DNAJC13: variants seen among roughly 807,000 people sequenced by gnomAD.
DNAJC13 encodes the protein dnaJ homolog subfamily C member 13.
DNAJC13 carries 75 observed loss-of-function variants against 290.5 expected under a neutral mutation model. That is an observed-to-expected ratio of 0.26 (90% CI 0.21 to 0.31). The LOEUF (loss-of-function observed/expected upper bound fraction) is 0.31. Ranked by LOEUF, DNAJC13 falls within the 10% of genes least tolerant of loss-of-function variation. DNAJC13 has a pLI of 1.00. For synonymous variants in DNAJC13, 862 were observed against 892.0 expected, an observed-to-expected ratio of 0.97 and a Z score of 0.60; for missense variants, 2,260 against 2,674.5, an observed-to-expected ratio of 0.85 and a Z score of 3.42.
chr3:132,470,657 G>C (rs1934185754), intron 20 of DNAJC13, among the ~76,000 whole-genome samples: 4 of 138,998 alleles, frequency 2.9e-5, no homozygotes, highest in Non-Finnish European at 4.8e-5. Context: ...CGGCTGGCCG[G>C]GCGGGGGGCC....
At chr3:132,523,927 A>G (rs909165460) in intron 51 of DNAJC13, 12 of 480,344 alleles carry the variant, frequency 2.5e-5, no homozygotes, top group Non-Finnish European at 4.4e-5. Flanking sequence ...AAAGTTATAG[A>G]GATATCTATA....
chr3:132,485,046 C>A (rs978477692), intron 29 of DNAJC13, among the ~76,000 whole-genome samples: 1 of 152,028 alleles, frequency 6.6e-6, no homozygotes, highest in Non-Finnish European at 1.5e-5. Flanking sequence ...ATCATGCCAC[C>A]GCACTCCAGC....
intron 54 of DNAJC13, among the ~76,000 whole-genome samples, chr3:132,528,848 C>A (rs1472109542): frequency 6.6e-6 from 1 of 151,750 alleles, no homozygotes; most frequent in Non-Finnish European, 1.5e-5. Context: ...TGACTTCAGG[C>A]CTGTTCAGTA....
intron 52 of DNAJC13, 93 bp from the exon 53 acceptor site, chr3:132,526,048 C>A: frequency 6.7e-7 from 1 of 1,483,004 alleles, no homozygotes; most frequent in Non-Finnish European, 9.0e-7. Flanking sequence ...GTAAGGGATT[C>A]TTTTTTTACT....
At chr3:132,480,196 A>G (rs2107694636) in intron 25 of DNAJC13, among the ~76,000 whole-genome samples, 173 bp from the exon 26 acceptor site, 1 of 152,304 alleles carries the variant, frequency 6.6e-6, no homozygotes, top group South Asian at 2.1e-4. Flanking sequence ...TTGAACACAA[A>G]ATGCTGAAAA....
intron 1 of DNAJC13, among the ~76,000 whole-genome samples, chr3:132,427,000 G>A (rs1428434594): frequency 6.6e-6 from 1 of 151,658 alleles, no homozygotes; most frequent in Non-Finnish European, 1.5e-5. Context: ...ACAAGCTTAA[G>A]TGTTGGGTTA....
chr3:132,483,184 G>C (rs1336356120), intron 27 of DNAJC13, among the ~76,000 whole-genome samples, 191 bp from the exon 28 acceptor site: 1 of 151,832 alleles, frequency 6.6e-6, no homozygotes, highest in Non-Finnish European at 1.5e-5. Flanking sequence ...CAGGTGGTGG[G>C]TTTTTTGGTT....
chr3:132,472,059 A>G (rs1934291269), intron 20 of DNAJC13, among the ~76,000 whole-genome samples: 1 of 150,540 alleles, frequency 6.6e-6, no homozygotes, highest in African/African-American at 2.4e-5. Context: ...GGCCCGGCCA[A>G]CACAGCGAAA....
At chr3:132,419,717 A>G (rs1182684070) in intron 1 of DNAJC13, among the ~76,000 whole-genome samples, 5 of 152,210 alleles carry the variant, frequency 3.3e-5, no homozygotes, top group African/African-American at 1.2e-4. Context: ...TGTGCAGATA[A>G]ACTGCAGCAC....
At chr3:132,525,562 G>T in intron 51 of DNAJC13, 48 bp from the exon 52 acceptor site, 1 of 1,578,352 alleles carries the variant, frequency 6.3e-7, no homozygotes, top group Non-Finnish European at 8.6e-7. Flanking sequence ...GATATTTAGG[G>T]CTGTATGAGT....
intron 48 of DNAJC13, among the ~76,000 whole-genome samples, chr3:132,517,963 G>T (rs1935966994): frequency 2.6e-5 from 4 of 152,048 alleles, no homozygotes; most frequent in Admixed American, 2.6e-4. Context: ...CCTACAGGAG[G>T]GTCTATAAAA....
chr3:132,455,884 G>A (rs1333782677), intron 9 of DNAJC13, among the ~76,000 whole-genome samples: 1 of 152,180 alleles, frequency 6.6e-6, no homozygotes, highest in Admixed American at 6.5e-5. Context: ...TATCAGAACT[G>A]ATGATGATTA....
chr3:132,452,958 C>T (rs145169607), intron 6 of DNAJC13, among the ~76,000 whole-genome samples: 13 of 152,270 alleles, frequency 8.5e-5, no homozygotes, highest in African/African-American at 2.9e-4. Flanking sequence ...GGAATCCTGC[C>T]CACACAGTAC....
chr3:132,499,208 A>G lies in DNAJC13; in HGVS notation c.4239A>G (p.Ser1413=), dbSNP rs776426523. Residue 1413 remains serine, a synonymous_variant, in exon 37 of 56, where the codon TCA becomes TCG. Coordinates refer to ENST00000260818, the MANE Select transcript of DNAJC13 (RefSeq NM_015268.4). ...AAACTTCAGATGACCTCCTTTTCTC[A>G]AAAGAATCACCATTGTTGCCTGCGG... ...TMETSDDLLF[S]KESPLLPAAT... The G allele has an allele frequency of 1.2e-6, 2 of 1,613,462 alleles. No individual in the cohort carries two copies. The highest frequency in any genetic ancestry group is 1.7e-6 in the Non-Finnish European group (2 of 1,179,420).
At position 132,500,795 on chromosome 3, in the gene DNAJC13, T is replaced by G; in HGVS notation, c.4418T>G (p.Val1473Gly). The change falls in exon 39 of 56, where the codon GTG (valine) becomes GGG (glycine). Residue 1473 changes from valine (V) to glycine (G), a missense_variant and splice_region_variant. This residue lies in a region of DNAJC13 where 1,494 missense variants were observed against 1,693.7 expected (regional missense o/e 0.88). Coordinates refer to ENST00000260818, the MANE Select transcript of DNAJC13 (RefSeq NM_015268.4). Reference sequence around the variant, plus strand: ...TTTGCTCTGTTGTGTTGTCTGCAGGTGTGTGGATACATAAGTAAATGCTAC... The same window carrying G: ...TTTGCTCTGTTGTGTTGTCTGCAGGGGTGTGGATACATAAGTAAATGCTAC... The part of the protein sequence containing the change: ...ASKPSDMSVQ[V>G]CGYISKCYSV... 1 of 1,613,934 alleles carries G rather than the reference T, an allele frequency of 6.2e-7. No homozygotes were observed. The highest frequency in any genetic ancestry group is 8.5e-7 in the Non-Finnish European group (1 of 1,179,862).
At chr3:132,525,240 T>C (rs1325488538) in intron 51 of DNAJC13, among the ~76,000 whole-genome samples, 1 of 152,156 alleles carries the variant, frequency 6.6e-6, no homozygotes, top group Admixed American at 6.5e-5. Context: ...CTTGGGAGGC[T>C]GAGGCAGGAG....
chr3:132,497,974 A>G (rs1935288437), intron 36 of DNAJC13, among the ~76,000 whole-genome samples: 1 of 152,126 alleles, frequency 6.6e-6, no homozygotes, highest in Non-Finnish European at 1.5e-5. Context: ...AAAAAGATTT[A>G]TGCTGATTTC....
chr3:132,459,788 G>A (rs868467790), intron 13 of DNAJC13, among the ~76,000 whole-genome samples: 41 of 152,074 alleles, frequency 2.7e-4, no homozygotes, highest in South Asian at 4.1e-4. Flanking sequence ...CTTACCTTGC[G>A]TAACGTCTCC....
At chr3:132,505,892 T>C (rs1016394158) in intron 42 of DNAJC13, among the ~76,000 whole-genome samples, 1 of 152,126 alleles carries the variant, frequency 6.6e-6, no homozygotes, top group Non-Finnish European at 1.5e-5. Flanking sequence ...ATTATGTGTG[T>C]GGCTTTGGAA....
Sources: allele counts gnomAD v4.1 joint callset (sites outside exome capture counted in the v4.1 genomes callset), GRCh38; gene constraint gnomAD v4.1.1; regional missense constraint gnomAD v4.1.1; transcripts MANE v1.5; gene names NCBI Gene and HGNC (gene_info 2026-07-23, HGNC 2026-07-21).